The following GPN1 variants were observed in gnomAD, a reference collection of about 807,000 sequenced individuals.
The protein encoded by GPN1 is GPN-loop GTPase 1.
In GPN1, 44 loss-of-function variants were observed where a neutral mutation model predicts 55.9. That is an observed-to-expected ratio of 0.79 (90% confidence interval 0.62 to 1.01). The LOEUF (loss-of-function observed/expected upper bound fraction) is 1.01. Ranked by LOEUF, GPN1 falls within the 50% of genes least tolerant of loss-of-function variation. GPN1 has a pLI of 0.00. For missense variants in GPN1, 466 were observed against 462.8 expected (o/e 1.01, Z -0.06); for synonymous variants, 179 against 162.5 (o/e 1.10, Z -0.77).
In GPN1 at chr2:27,642,990, C is replaced by T. The variant is rs189186715; in HGVS notation, c.931+471C>T. ...ACACACACACACACACACACACACACACACATACATATGCATACATATATA... is the reference window on the plus strand; with the variant it reads ...ACACACACACACACACACACACACATACACATACATATGCATACATATATA... On this transcript the variant is annotated intron_variant, in intron 12 of 13. Coordinates refer to ENST00000610189, the MANE Select transcript of GPN1 (RefSeq NM_007266.4). 5.4e-3 allele frequency among the ~76,000 whole-genome samples: 809 copies of T among 150,912 alleles called. 10 individuals carry two copies. The highest frequency in any genetic ancestry group is 0.019 in the African/African-American group (771 of 40,962).
chr2:27,632,981 A>C (rs568701605), intron 5 of GPN1, among the ~76,000 whole-genome samples: 10 of 152,312 alleles, frequency 6.6e-5, no homozygotes, highest in African/African-American at 2.2e-4. Flanking sequence ...AAGTATCTGA[A>C]ATACCTTTCT....
At chr2:27,635,085 T>A in intron 6 of GPN1, 55 bp from the exon 7 acceptor site, 1 of 1,139,770 alleles carries the variant, frequency 8.8e-7, no homozygotes, top group Non-Finnish European at 1.3e-6. Context: ...GAAAAAGAGT[T>A]TGAGGACAGA....
rs1409142480 is a variant in GPN1, at chr2:27,629,484, C to T, written c.111+315C>T. 8 of 1,273,974 alleles carry T rather than the reference C, an allele frequency of 6.3e-6. No individual in the cohort carries two copies. In the East Asian group the frequency reaches 1.8e-4, roughly 28 times the overall value. 78.9% of individuals were successfully genotyped at this position (1,273,974 alleles called of 1,614,324 possible). Reference sequence around the variant, plus strand: ...TTTAAAGATTAATACAGTGCTAGCACACAGGTTTTGGTGAAGATTTGCCAA... The same window carrying T: ...TTTAAAGATTAATACAGTGCTAGCATACAGGTTTTGGTGAAGATTTGCCAA... On this transcript the variant is annotated intron_variant, in intron 1 of 13. Coordinates refer to ENST00000610189, the MANE Select transcript of GPN1 (RefSeq NM_007266.4).
intron 7 of GPN1, among the ~76,000 whole-genome samples, chr2:27,637,883 T>C (rs1413507780): frequency 6.6e-6 from 1 of 152,250 alleles, no homozygotes; most frequent in African/African-American, 2.4e-5. Context: ...CCAAGTATTT[T>C]AGATAGGAAA....
In GPN1 at chr2:27,629,902, T is replaced by C. The variant is rs1336745207; in HGVS notation, c.155T>C (p.Val52Ala). The C allele has an allele frequency of 2.5e-6, 4 of 1,610,572 alleles. No individual in the cohort carries two copies. In the African/African-American group the frequency reaches 5.3e-5, roughly 22 times the overall value. The change falls in exon 2 of 14, where the codon GTG becomes GCG. Residue 52 changes from valine to alanine, a missense_variant. Val to Ala is a moderately conservative substitution (Grantham distance 64, BLOSUM62 0). Coordinates refer to ENST00000610189, the MANE Select transcript of GPN1 (RefSeq NM_007266.4). ...HLHAQGTPPYVINLDPAVHEV... is the reference protein window; with the variant it reads ...HLHAQGTPPYAINLDPAVHEV... Reference sequence around the variant, plus strand: ...CATGCCCAAGGCACTCCACCGTATGTGATCAACCTGGATCCAGCAGTACAT... The same window carrying C: ...CATGCCCAAGGCACTCCACCGTATGCGATCAACCTGGATCCAGCAGTACAT...
At chr2:27,635,804 G>T (rs1673712664) in intron 7 of GPN1, among the ~76,000 whole-genome samples, 1 of 152,312 alleles carries the variant, frequency 6.6e-6, no homozygotes, top group East Asian at 1.9e-4. Flanking sequence ...GGCAACAAGA[G>T]CCTGGGGCAA....
At chr2:27,635,437 A>C (rs993367253) in intron 7 of GPN1, among the ~76,000 whole-genome samples, 1 of 151,736 alleles carries the variant, frequency 6.6e-6, no homozygotes, top group African/African-American at 2.4e-5. Flanking sequence ...TTCTCTCTCA[A>C]TACCCTCTGA....
At chr2:27,628,960 C>G, upstream of GPN1, 1 of 1,569,958 alleles carries the variant, frequency 6.4e-7, no homozygotes, top group East Asian at 2.3e-5. Flanking sequence ...CCGCTCCTTT[C>G]TGACGCTGTG....
rs758373498 is a variant in GPN1 at position 27,651,133 on chromosome 2, T to C, written c.*933T>C. 12 of 152,380 alleles carry C rather than the reference T, an allele frequency of 7.9e-5. No homozygotes were observed. Among genetic ancestry groups the C allele is most frequent in the Non-Finnish European group, 1.5e-4 (10 of 68,042 alleles). 9.4% of individuals were successfully genotyped at this position (152,380 alleles called of 1,614,324 possible). On this transcript the variant is annotated 3_prime_UTR_variant, in exon 14 of 14. Transcript: ENST00000610189. ...TCATACATAACAGCCCTTATAAACGTTTGCCCTGCCTCCACATTTTACAGT... is the reference window on the plus strand; with the variant it reads ...TCATACATAACAGCCCTTATAAACGCTTGCCCTGCCTCCACATTTTACAGT...
chr2:27,646,711 T>C (rs1674250428), intron 12 of GPN1, among the ~76,000 whole-genome samples: 2 of 152,218 alleles, frequency 1.3e-5, no homozygotes, highest in South Asian at 4.1e-4. Context: ...ATTGTACATT[T>C]ATTTTTTCTT....
chr2:27,642,992 CACAT>C (rs1329380216), intron 12 of GPN1, among the ~76,000 whole-genome samples: 1 of 150,616 alleles, frequency 6.6e-6, no homozygotes, highest in African/African-American at 2.5e-5. Flanking sequence ...CACACACACA[CACAT>C]ACATATGCAT....
upstream of GPN1, chr2:27,628,564 G>A (rs936116172): frequency 1.3e-6 from 2 of 1,551,592 alleles, no homozygotes; most frequent in Admixed American, 2.0e-5. Flanking sequence ...AAAGGGTCTC[G>A]GTGCTGCCCA....
intron 7 of GPN1, among the ~76,000 whole-genome samples, chr2:27,636,031 A>G (rs2148068514): frequency 6.6e-6 from 1 of 152,314 alleles, no homozygotes; most frequent in East Asian, 1.9e-4. Flanking sequence ...CCTGGGCACC[A>G]TGGTGAAACC....
At chr2:27,639,611 G>C (rs939974860) in intron 9 of GPN1, among the ~76,000 whole-genome samples, 2 of 151,848 alleles carry the variant, frequency 1.3e-5, no homozygotes, top group African/African-American at 4.8e-5. Context: ...CCTTGACCTC[G>C]TGGTCTCAAG....
intron 11 of GPN1, 121 bp downstream of exon 11, chr2:27,641,400 T>G: frequency 1.6e-6 from 1 of 638,856 alleles, no homozygotes; most frequent in Non-Finnish European, 2.7e-6. Context: ...TAAAAAAGTT[T>G]TTTTTGTAGC....
At chr2:27,636,898 G>A (rs1413812540) in intron 7 of GPN1, among the ~76,000 whole-genome samples, 1 of 152,072 alleles carries the variant, frequency 6.6e-6, no homozygotes, top group African/African-American at 2.4e-5. Flanking sequence ...GCCCAGGCTG[G>A]TTTTGAACTC....
intron 5 of GPN1, among the ~76,000 whole-genome samples, chr2:27,633,222 A>G (rs903909325): frequency 6.6e-6 from 1 of 152,248 alleles, no homozygotes. Context: ...ATCATCATTC[A>G]GCGACTAGCA....
At chr2:27,646,793 A>C (rs964125582) in intron 12 of GPN1, among the ~76,000 whole-genome samples, 6 of 152,064 alleles carry the variant, frequency 3.9e-5, no homozygotes, top group Non-Finnish European at 8.8e-5. Context: ...TGTTCATGAA[A>C]GTTATTGCTC....
intron 10 of GPN1, among the ~76,000 whole-genome samples, chr2:27,640,571 C>T (rs985359068): frequency 3.3e-5 from 5 of 152,170 alleles, no homozygotes; most frequent in South Asian, 4.1e-4. Context: ...ATTGAGAAAA[C>T]GTATACAGCA....
Sources: gnomAD v4.1 joint callset for allele counts (sites outside exome capture counted in the v4.1 genomes callset) on GRCh38, gnomAD v4.1.1 for gene constraint, MANE v1.5 for transcripts, NCBI Gene and HGNC (gene_info 2026-07-23, HGNC 2026-07-21) for gene names.